Variants in C12orf54 observed in about 807,000 individuals in gnomAD.
C12orf54 encodes uncharacterized protein C12orf54.
A neutral mutation model predicts 26.4 loss-of-function variants in C12orf54; 24 were observed. The ratio of observed to expected loss-of-function variants is 0.91; its 90% CI spans 0.66 to 1.28. The LOEUF is 1.28. Ranked by LOEUF, C12orf54 falls within the 50% of genes most tolerant of loss-of-function variation. C12orf54 has a pLI of 0.00. For synonymous variants in C12orf54, 54 were observed against 47.0 expected (o/e 1.15, Z -0.61); for missense variants, 154 against 150.9 (o/e 1.02, Z -0.11).
At chr12:48,470,800 A>G in the C12orf54 span, among the ~76,000 whole-genome samples, 1 of 151,908 alleles carries the variant, frequency 6.6e-6, no homozygotes, top group Admixed American at 6.6e-5. Context: ...TTCAATTTTT[A>G]TGTTTATTTA....
At chr12:48,437,602 G>A in the C12orf54 span, among the ~76,000 whole-genome samples, 6 of 152,180 alleles carry the variant, frequency 3.9e-5, no homozygotes, top group Non-Finnish European at 7.4e-5. Context: ...TCAACATAAC[G>A]AAAATCAGTA....
the C12orf54 span, among the ~76,000 whole-genome samples, chr12:48,436,940 C>T: frequency 6.6e-6 from 1 of 152,082 alleles, no homozygotes; most frequent in Non-Finnish European, 1.5e-5. Flanking sequence ...ACACAACAAA[C>T]CCTTCAAAAA....
the C12orf54 span, among the ~76,000 whole-genome samples, chr12:48,425,055 T>C: frequency 2.0e-5 from 3 of 152,266 alleles, no homozygotes; most frequent in East Asian, 5.8e-4. Context: ...TATATCTCAG[T>C]GAAGCTTATT....
the C12orf54 span, among the ~76,000 whole-genome samples, chr12:48,454,819 G>A: frequency 6.6e-6 from 1 of 152,174 alleles, no homozygotes; most frequent in Admixed American, 6.5e-5. Flanking sequence ...GTCTAGGGAA[G>A]GCATTAGAAT....
chr12:48,488,239 C>T, intron 4 of C12orf54: 1 of 657,874 alleles, frequency 1.5e-6, no homozygotes, highest in South Asian at 1.5e-5. Flanking sequence ...CGCAGCCATC[C>T]AGAGACTGGC....
the C12orf54 span, among the ~76,000 whole-genome samples, chr12:48,450,036 T>G: frequency 1.3e-5 from 2 of 152,240 alleles, no homozygotes; most frequent in African/African-American, 2.4e-5. Context: ...TCCCCATCTA[T>G]GTGGAACTGT....
At chr12:48,484,110 G>A (rs771108193) in intron 2 of C12orf54, among the ~76,000 whole-genome samples, 32 of 152,172 alleles carry the variant, frequency 2.1e-4, no homozygotes, top group African/African-American at 5.5e-4. Context: ...CAGGAGAATC[G>A]CTTGAACCTG....
At chr12:48,422,452 A>T in the C12orf54 span, among the ~76,000 whole-genome samples, 1 of 152,226 alleles carries the variant, frequency 6.6e-6, no homozygotes, top group Non-Finnish European at 1.5e-5. Context: ...CATGCTTTTT[A>T]GCTTTCTACA....
the C12orf54 span, among the ~76,000 whole-genome samples, chr12:48,472,283 T>C: frequency 6.6e-6 from 1 of 152,208 alleles, no homozygotes; most frequent in Non-Finnish European, 1.5e-5. Context: ...ATGAGCATTC[T>C]GGCTGCTGCA....
At chr12:48,435,572 A>G in the C12orf54 span, among the ~76,000 whole-genome samples, 1 of 152,236 alleles carries the variant, frequency 6.6e-6, no homozygotes, top group Non-Finnish European at 1.5e-5. Flanking sequence ...CTCGGCAGAA[A>G]CTCTACAAGC....
the C12orf54 span, among the ~76,000 whole-genome samples, chr12:48,469,235 G>A: frequency 6.6e-6 from 1 of 152,208 alleles, no homozygotes; most frequent in Non-Finnish European, 1.5e-5. Context: ...GGCGCTGCAG[G>A]AGACCAGGGA....
chr12:48,469,525 T>A, the C12orf54 span, among the ~76,000 whole-genome samples: 2 of 145,542 alleles, frequency 1.4e-5, no homozygotes, highest in Non-Finnish European at 3.0e-5. Flanking sequence ...CAAGCACACA[T>A]GTTTTACAAA....
At chr12:48,486,778 G>C in intron 4 of C12orf54, 52 bp downstream of exon 4, 1 of 1,550,830 alleles carries the variant, frequency 6.4e-7, no homozygotes. Flanking sequence ...GGGAGGTGGG[G>C]GAAGTCTTCA....
chr12:48,453,560 T>C, the C12orf54 span, among the ~76,000 whole-genome samples: 3 of 120,408 alleles, frequency 2.5e-5, no homozygotes, highest in African/African-American at 5.9e-5. Flanking sequence ...CACATATATA[T>C]ACATATATAT....
the C12orf54 span, chr12:48,473,188 A>T: frequency 1.4e-6 from 2 of 1,397,382 alleles, no homozygotes; most frequent in South Asian, 2.3e-5. Flanking sequence ...GAGGATGAGG[A>T]TGAGGAGGAG....
At chr12:48,493,110 C>A in intron 7 of C12orf54, 115 bp downstream of exon 7, 2 of 953,040 alleles carry the variant, frequency 2.1e-6, no homozygotes, top group Non-Finnish European at 3.3e-6. Flanking sequence ...CCTGTGCTTC[C>A]AAAGGGGCAA....
chr12:48,486,574 G>C (rs1447729548), intron 3 of C12orf54, 114 bp from the exon 4 acceptor site: 5 of 1,101,052 alleles, frequency 4.5e-6, no homozygotes, highest in Non-Finnish European at 6.7e-6. Context: ...GTGATTTTGG[G>C]TGTCCAGCTC....
At chr12:48,423,372 T>A in the C12orf54 span, among the ~76,000 whole-genome samples, 1 of 152,080 alleles carries the variant, frequency 6.6e-6, no homozygotes, top group Admixed American at 6.5e-5. Context: ...AGGAAAGAGA[T>A]AAGATATTTG....
chr12:48,469,313 C>G, the C12orf54 span, among the ~76,000 whole-genome samples: 1 of 152,198 alleles, frequency 6.6e-6, no homozygotes, highest in Non-Finnish European at 1.5e-5. Flanking sequence ...AGGGACTCCC[C>G]CTGGGAATGC....
Sources: allele counts gnomAD v4.1 joint callset (sites outside exome capture counted in the v4.1 genomes callset), GRCh38; gene constraint gnomAD v4.1.1; transcripts MANE v1.5; gene names NCBI Gene and HGNC (gene_info 2026-07-23, HGNC 2026-07-21).